The following ACSL5 variants were observed in gnomAD, a reference collection of about 807,000 sequenced individuals.
ACSL5 encodes long-chain-fatty-acid--CoA ligase 5.
In ACSL5, 50 loss-of-function variants were observed where a neutral mutation model predicts 84.9. The observed-to-expected ratio is 0.59, with a 90% CI of 0.47 to 0.75. ACSL5 has a LOEUF of 0.75. Among genes scored for constraint, ACSL5 ranks in the 30% least tolerant of loss-of-function variants. The pLI, the probability that ACSL5 is intolerant of heterozygous loss-of-function variation, is 0.00. For synonymous variants in ACSL5, 280 were observed against 300.7 expected, an observed-to-expected ratio of 0.93 and a Z score of 0.71; for missense variants, 775 against 830.4, an observed-to-expected ratio of 0.93 and a Z score of 0.82.
chr10:112,425,463 A>G lies in ACSL5; in HGVS notation c.1719A>G (p.Val573=), dbSNP rs1844633208. 6.2e-7 allele frequency: 1 copy of G among 1,612,888 alleles called. No homozygotes were observed. Among genetic ancestry groups the G allele is most frequent in the Non-Finnish European group, 8.5e-7 (1 of 1,179,490 alleles). The part of the protein sequence containing the change: ...NRSQPVLQIF[V]HGESLRSSLV... The stretch of plus-strand genomic sequence containing the variant: ...GTCAACCAGTGTTACAAATTTTTGT[A>G]CACGGGGAGAGCTTACGGGTAATAT... Residue 573 remains valine (V), a synonymous_variant, in exon 18 of 21, where the codon GTA becomes GTG. Transcript: ENST00000354655.
At chr10:112,405,748 A>G (rs1291949461) in intron 5 of ACSL5, among the ~76,000 whole-genome samples, 1 of 152,198 alleles carries the variant, frequency 6.6e-6, no homozygotes, top group African/African-American at 2.4e-5. Flanking sequence ...GCCTTCCTTT[A>G]TGATAATATA....
At chr10:112,408,009 A>G (rs1844086231) in intron 5 of ACSL5, among the ~76,000 whole-genome samples, 1 of 148,476 alleles carries the variant, frequency 6.7e-6, no homozygotes. Context: ...CCCCACAGTG[A>G]TTTTTTTTTT....
At chr10:112,379,269 G>GT (rs995394122) in intron 1 of ACSL5, among the ~76,000 whole-genome samples, 35 of 152,178 alleles carry the variant, frequency 2.3e-4, no homozygotes, top group African/African-American at 8.0e-4. Flanking sequence ...GCTGGGCGTG[G>GT]TGGCAGCTGC....
At chr10:112,407,423 C>T (rs1033717133) in intron 5 of ACSL5, among the ~76,000 whole-genome samples, 3 of 152,060 alleles carry the variant, frequency 2.0e-5, no homozygotes, top group Admixed American at 2.0e-4. Context: ...AGGATTTCAC[C>T]ATGTTGGCCA....
chr10:112,422,098 A>T, intron 16 of ACSL5, 63 bp downstream of exon 16: 1 of 1,560,292 alleles, frequency 6.4e-7, no homozygotes, highest in Non-Finnish European at 8.8e-7. Context: ...AGAAAGAGCA[A>T]ATAATTGTAA....
Position 112,426,311 on chromosome 10 carries a change from A to C in ACSL5, c.1791A>C (p.Ala597=). The part of the protein sequence containing the change: ...VPDTDVLPSF[A]AKLGVKGSFE... ...ACACAGATGTACTTCCCTCATTTGC[A>C]GCCAAGCTTGGGGTGAAGGGCTCCT... is the stretch of plus-strand genomic sequence containing the variant. Residue 597 remains alanine (A), a synonymous_variant, in exon 19 of 21, where the codon GCA becomes GCC. Coordinates refer to ENST00000354655, the MANE Select transcript of ACSL5 (RefSeq NM_203379.2). 1 of 1,614,062 alleles carries C rather than the reference A, an allele frequency of 6.2e-7. No homozygotes were observed. Among genetic ancestry groups the C allele is most frequent in the East Asian group, 2.2e-5 (1 of 44,846 alleles).
At chr10:112,403,152 A>G (rs1843944767) in intron 3 of ACSL5, among the ~76,000 whole-genome samples, 1 of 152,250 alleles carries the variant, frequency 6.6e-6, no homozygotes, top group Non-Finnish European at 1.5e-5. Flanking sequence ...TCTCATACAA[A>G]TGGGCAAAGT....
intron 14 of ACSL5, among the ~76,000 whole-genome samples, chr10:112,418,303 C>T (rs1057251824): frequency 9.9e-5 from 15 of 152,112 alleles, no homozygotes; most frequent in Admixed American, 2.6e-4. Flanking sequence ...ACTCCCTAGC[C>T]GGGCATGGTG....
intron 3 of ACSL5, among the ~76,000 whole-genome samples, chr10:112,400,955 G>C (rs61872355): frequency 0.084 from 12,818 of 152,230 alleles, 671 homozygotes; most frequent in Non-Finnish European, 0.11. Flanking sequence ...GCACATGAGA[G>C]ATATAATTTA....
At chr10:112,385,246 G>A (rs1849426963) in intron 1 of ACSL5, among the ~76,000 whole-genome samples, 1 of 152,172 alleles carries the variant, frequency 6.6e-6, no homozygotes, top group Admixed American at 6.5e-5. Flanking sequence ...AAACCACAGA[G>A]AATTAAGTTA....
chr10:112,425,374 A>T lies in ACSL5; in HGVS notation c.1630A>T (p.Ile544Phe). 1 of 1,613,498 alleles carries T rather than the reference A, an allele frequency of 6.2e-7. No homozygotes were observed. Among genetic ancestry groups the T allele is most frequent in the Non-Finnish European group, 8.5e-7 (1 of 1,179,766 alleles). ...TLKIIDRKKN[I>F]FKLAQGEYIA... ...GAAGATCATCGACCGTAAAAAGAAC[A>T]TTTTCAAGCTGGCCCAAGGAGAATA... The change falls in exon 18 of 21, where the codon ATT (isoleucine) becomes TTT (phenylalanine). Residue 544 changes from isoleucine to phenylalanine, a missense_variant. By Grantham distance (21) the Ile-to-Phe change is conservative. Transcript: ENST00000354655.
intron 1 of ACSL5, chr10:112,394,673 C>G: frequency 4.4e-6 from 4 of 899,264 alleles, no homozygotes; most frequent in Non-Finnish European, 5.3e-6. Flanking sequence ...TTGATCCTCC[C>G]TGCTCTGTGT....
In ACSL5 at chr10:112,426,771, A is replaced by T. The variant is rs370491618; in HGVS notation, c.1840-17A>T. The T allele has an allele frequency of 3.7e-6, 6 of 1,611,272 alleles. No individual in the cohort carries two copies. Among genetic ancestry groups the T allele is most frequent in the African/African-American group, 1.3e-5 (1 of 74,840 alleles). On this transcript the variant is annotated splice_polypyrimidine_tract_variant and intron_variant, in intron 19 of 20. Transcript: ENST00000354655. ...TTTTGAAACAGCCATGCTTTAAGTGATGTTTTGTATTCTTAGGTTGTAAGG... is the reference window on the plus strand; with the variant it reads ...TTTTGAAACAGCCATGCTTTAAGTGTTGTTTTGTATTCTTAGGTTGTAAGG...
chr10:112,386,181 CTTTTTTTTTTTTTTT>C (rs11286757), intron 1 of ACSL5, among the ~76,000 whole-genome samples: 142 of 71,838 alleles, frequency 2.0e-3, no homozygotes, highest in African/African-American at 7.2e-3. Context: ...TCCTATAGCT[CTTTTTTTTTTTTTTT>C]TTTTTTTTTT....
Position 112,384,101 on chromosome 10 carries a change from G to A in ACSL5, c.-30+9832G>A, listed in dbSNP as rs532488334. On this transcript the variant is annotated intron_variant, in intron 1 of 20. Coordinates refer to ENST00000354655, the MANE Select transcript of ACSL5 (RefSeq NM_203379.2). ...CTTGGGAGGCTGAGGCATGAGAATC[G>A]CTTGAACCCAGGAGGCAGAGGTTGC... 3.9e-5 allele frequency among the ~76,000 whole-genome samples: 6 copies of A among 152,000 alleles called. No individual in the cohort carries two copies. In the East Asian group the frequency reaches 7.7e-4, roughly 20 times the overall value.
chr10:112,419,102 C>CTGTGTGTGTGTG (rs57261585), intron 14 of ACSL5, among the ~76,000 whole-genome samples: 1,739 of 146,498 alleles, frequency 0.012, 13 homozygotes, highest in South Asian at 0.014. Flanking sequence ...CACAATGTAT[C>CTGTGTGTGTGTG]TGTGTGTGTG....
chr10:112,391,082 T>A (rs547496278), intron 1 of ACSL5, among the ~76,000 whole-genome samples: 151 of 152,310 alleles, frequency 9.9e-4, no homozygotes, highest in East Asian at 7.7e-4. Context: ...TCAATTTTTT[T>A]AAAAATTGAG....
At chr10:112,385,834 A>G (rs1359396532) in intron 1 of ACSL5, among the ~76,000 whole-genome samples, 1 of 152,110 alleles carries the variant, frequency 6.6e-6, no homozygotes, top group East Asian at 1.9e-4. Flanking sequence ...CTGTTTATAG[A>G]TTTTAGGTGT....
chr10:112,411,340 C>A, intron 9 of ACSL5, 116 bp from the exon 10 acceptor site: 1 of 814,134 alleles, frequency 1.2e-6, no homozygotes, highest in Non-Finnish European at 2.0e-6. Context: ...GACACAGTGA[C>A]AGGAAATGCT....
Sources: allele counts gnomAD v4.1 joint callset (sites outside exome capture counted in the v4.1 genomes callset), GRCh38; gene constraint gnomAD v4.1.1; transcripts MANE v1.5; gene names NCBI Gene and HGNC (gene_info 2026-07-23, HGNC 2026-07-21).